The following RNF182 variants were observed in gnomAD, a reference collection of about 807,000 sequenced individuals.
RNF182 encodes ring finger protein 182, also known as E3 ubiquitin-protein ligase RNF182.
Under a neutral mutation model 14.4 loss-of-function variants are expected in RNF182, and 15 were observed. The ratio of observed to expected loss-of-function variants is 1.04; its 90% CI spans 0.70 to 1.60. RNF182 has a LOEUF of 1.60. Ranked by LOEUF, RNF182 falls within the 40% of genes most tolerant of loss-of-function variation. The probability of loss-of-function intolerance (pLI) is 0.00; values close to 1 mark genes in which losing one functional copy is unlikely to be tolerated. For missense variants in RNF182, 268 were observed against 294.8 expected, an observed-to-expected ratio of 0.91 and a Z score of 0.67; for synonymous variants, 128 against 122.9, an observed-to-expected ratio of 1.04 and a Z score of -0.27.
rs1421417828 is a variant in RNF182, at chr6:13,977,268, A to C, written c.149A>C (p.Lys50Thr). 6.2e-7 allele frequency: 1 copy of C among 1,614,204 alleles called. No homozygotes were observed. The highest frequency in any genetic ancestry group is 8.5e-7 in the Non-Finnish European group (1 of 1,180,028). Reference sequence around the variant, plus strand: ...AGGGTTTGTGCCAAATGCCTCTACAAGATCATAGACTTTGGGGACTCCCCA... The same window carrying C: ...AGGGTTTGTGCCAAATGCCTCTACACGATCATAGACTTTGGGGACTCCCCA... Reference protein sequence around the residue: ...CHRVCAKCLYKIIDFGDSPQG... With the variant: ...CHRVCAKCLYTIIDFGDSPQG... The change falls in exon 3 of 3, where the codon AAG becomes ACG. Residue 50 changes from lysine to threonine, a missense_variant. Coordinates refer to ENST00000488300, the MANE Select transcript of RNF182 (RefSeq NM_152737.4).
At chr6:13,971,197 C>T (rs1760170416) in intron 1 of RNF182, among the ~76,000 whole-genome samples, 1 of 152,084 alleles carries the variant, frequency 6.6e-6, no homozygotes, top group Non-Finnish European at 1.5e-5. Flanking sequence ...AAGGGTGGAG[C>T]CAGGTGGAGA....
At chr6:13,941,350 G>A (rs983721230) in intron 1 of RNF182, among the ~76,000 whole-genome samples, 5 of 152,052 alleles carry the variant, frequency 3.3e-5, no homozygotes, top group African/African-American at 1.2e-4. Context: ...AGGTCTTATA[G>A]TAGTATATAC....
chr6:13,935,143 A>G (rs1363314965), intron 1 of RNF182, among the ~76,000 whole-genome samples: 1 of 152,208 alleles, frequency 6.6e-6, no homozygotes, highest in African/African-American at 2.4e-5. Flanking sequence ...TGGAAGATGC[A>G]AGGGGGCAAG....
At position 13,960,546 on chromosome 6, in the gene RNF182, G is replaced by A. The variant is rs1759842534; in HGVS notation, c.-366-13664G>A. Reference sequence around the variant, plus strand: ...ACTCTTTTAAGTGAATTCTATAGCAGTTGAAGACGACTTTTCTGTCAATCA... The same window carrying A: ...ACTCTTTTAAGTGAATTCTATAGCAATTGAAGACGACTTTTCTGTCAATCA... On this transcript the variant is annotated intron_variant, in intron 1 of 2. Transcript: ENST00000488300. Among the ~76,000 whole-genome samples, 4 of 152,262 alleles carry A rather than the reference G, an allele frequency of 2.6e-5. No individual in the cohort carries two copies. In the South Asian group the frequency reaches 8.3e-4, roughly 32 times the overall value.
chr6:13,929,591 CCAGA>C (rs1335157180), intron 1 of RNF182, among the ~76,000 whole-genome samples: 1 of 152,162 alleles, frequency 6.6e-6, no homozygotes, highest in African/African-American at 2.4e-5. Context: ...TCCCTATGGG[CCAGA>C]CACTTTTCTA....
intron 1 of RNF182, among the ~76,000 whole-genome samples, chr6:13,968,582 C>G (rs1760095309): frequency 6.6e-6 from 1 of 152,102 alleles, no homozygotes; most frequent in Admixed American, 6.6e-5. Context: ...ATACCAAAAC[C>G]TAACAGCACA....
At chr6:13,944,034 A>T (rs1015290214) in intron 1 of RNF182, among the ~76,000 whole-genome samples, 18 of 152,178 alleles carry the variant, frequency 1.2e-4, no homozygotes, top group African/African-American at 4.1e-4. Context: ...TTGGGACAAG[A>T]TGCCCACCAG....
In RNF182 at chr6:13,976,907, A is replaced by G. The variant is rs1317442262; in HGVS notation, c.-211-2A>G. 4 of 574,110 alleles carry G rather than the reference A, an allele frequency of 7.0e-6. No homozygotes were observed. Among genetic ancestry groups the G allele is most frequent in the Non-Finnish European group, 1.2e-5 (4 of 325,060 alleles). The allele number at this position is 574,110 out of a possible 1,614,324, so 35.6% of individuals were successfully genotyped here. A position where few individuals can be genotyped will look rare whatever the true frequency, so the allele number is the denominator to read the frequency against. Reference sequence around the variant, plus strand: ...TATTAGAATCTCTTTTCTTCTTTACAGACCCTTCATGTGGCCTTTATAAAT... The same window carrying G: ...TATTAGAATCTCTTTTCTTCTTTACGGACCCTTCATGTGGCCTTTATAAAT... On this transcript the variant is annotated splice_acceptor_variant, in intron 2 of 2. Coordinates refer to ENST00000488300, the MANE Select transcript of RNF182 (RefSeq NM_152737.4). LOFTEE classifies it low-confidence loss of function (5UTR_SPLICE).
chr6:13,969,453 C>T (rs1428437598), intron 1 of RNF182, among the ~76,000 whole-genome samples: 2 of 152,042 alleles, frequency 1.3e-5, no homozygotes, highest in Admixed American at 1.3e-4. Flanking sequence ...TTAGCACAGC[C>T]CACCCACCAT....
Position 13,969,352 on chromosome 6 carries a change from CTAAT to C in RNF182, c.-366-4857_-366-4854del, listed in dbSNP as rs1760118287. On this transcript the variant is annotated intron_variant, in intron 1 of 2. Transcript: ENST00000488300. ...CGGTTTGGGTCACATGCCCATTAGA[CTAAT>C]CCTTGTGAGTAGGGGAGTAGTGGAG... Among the ~76,000 whole-genome samples, 3 of 152,094 alleles carry C rather than the reference CTAAT, an allele frequency of 2.0e-5. No individual in the cohort carries two copies. The South Asian group carries it at 6.2e-4, about 32-fold the overall frequency.
chr6:13,977,789 GTTATTC>G lies in RNF182; in HGVS notation c.675_680del (p.Ile225_Leu226del). On this transcript the variant is annotated inframe_deletion, in exon 3 of 3. Coordinates refer to ENST00000488300, the MANE Select transcript of RNF182 (RefSeq NM_152737.4). The stretch of plus-strand genomic sequence containing the variant: ...TGTCAGCCTGGTCCCTTCGAGCCTC[GTTATTC>G]TTATGGTGTATGGTTTTTGCCAGTG... The G allele has an allele frequency of 6.2e-7, 1 of 1,614,084 alleles. No individual in the cohort carries two copies. Among genetic ancestry groups the G allele is most frequent in the Non-Finnish European group, 8.5e-7 (1 of 1,180,004 alleles).
At chr6:13,932,434 A>G (rs984898956) in intron 1 of RNF182, among the ~76,000 whole-genome samples, 5 of 152,168 alleles carry the variant, frequency 3.3e-5, no homozygotes, top group Admixed American at 2.6e-4. Context: ...TGGATTTCTT[A>G]AATTATCAGT....
At chr6:13,965,257 T>C (rs1196828329) in intron 1 of RNF182, among the ~76,000 whole-genome samples, 1 of 152,152 alleles carries the variant, frequency 6.6e-6, no homozygotes, top group Non-Finnish European at 1.5e-5. Context: ...TTTGGTAGCC[T>C]AGTTGGTCAG....
At chr6:13,924,497 C>CT (rs1479756893), upstream of RNF182, 1 of 152,282 alleles carries the variant, frequency 6.6e-6, no homozygotes. Flanking sequence ...TTGCTCAACA[C>CT]TTTATCACTT....
At chr6:13,929,332 C>CTA (rs1758909971) in intron 1 of RNF182, among the ~76,000 whole-genome samples, 1 of 152,172 alleles carries the variant, frequency 6.6e-6, no homozygotes, top group South Asian at 2.1e-4. Flanking sequence ...TCTTCTATAG[C>CTA]TATAGTCATT....
chr6:13,977,220 C>T lies in RNF182; in HGVS notation c.101C>T (p.Pro34Leu), dbSNP rs769528690. 6.2e-7 allele frequency: 1 copy of T among 1,614,142 alleles called. No homozygotes were observed. Among genetic ancestry groups the T allele is most frequent in the Non-Finnish European group, 8.5e-7 (1 of 1,180,022 alleles). ...YNRYNLKQRK[P>L]KVLECCHRVC... ...CGATACAATCTGAAACAGAGGAAAC[C>T]CAAAGTGCTGGAGTGTTGTCATAGG... The change falls in exon 3 of 3, where the codon CCC becomes CTC. Residue 34 changes from proline to leucine, a missense_variant. Transcript: ENST00000488300.
Position 13,977,041 on chromosome 6 carries a change from T to C in RNF182, c.-79T>C, listed in dbSNP as rs998914349. 2.1e-6 allele frequency: 3 copies of C among 1,420,534 alleles called. No individual in the cohort carries two copies. The highest frequency in any genetic ancestry group is 2.3e-5 in the East Asian group (1 of 43,664). The allele number at this position is 1,420,534 out of a possible 1,614,324, so 88.0% of individuals were successfully genotyped here. The stretch of plus-strand genomic sequence containing the variant: ...GCATCGCTGCCAGATTTGGATGATA[T>C]GATATTCAGAGGGGCACCTTAATCA... On this transcript the variant is annotated 5_prime_UTR_variant, in exon 3 of 3. An upstream start codon of the reference 5' UTR is lost. Transcript: ENST00000488300.
intron 1 of RNF182, among the ~76,000 whole-genome samples, chr6:13,927,450 AC>A (rs1449923352): frequency 1.3e-5 from 2 of 152,180 alleles, no homozygotes; most frequent in Non-Finnish European, 2.9e-5. Flanking sequence ...ATTTTAGCTT[AC>A]GGGTTTTAAT....
Position 13,977,376 on chromosome 6 carries a change from A to G in RNF182, c.257A>G (p.Asn86Ser), listed in dbSNP as rs1760358663. ...GTTAGTAGCCTGCCCGATGACAACAACATCCTTGTAAACTTGACTTGTGGA... is the reference window on the plus strand; with the variant it reads ...GTTAGTAGCCTGCCCGATGACAACAGCATCCTTGTAAACTTGACTTGTGGA... ...DEVSSLPDDN[N>S]ILVNLTCGGK... The change falls in exon 3 of 3, where the codon AAC becomes AGC. Residue 86 changes from asparagine to serine, a missense_variant. Physicochemically the swap from Asn to Ser is conservative, Grantham distance 46. Coordinates refer to ENST00000488300, the MANE Select transcript of RNF182 (RefSeq NM_152737.4). 1 of 1,614,022 alleles carries G rather than the reference A, an allele frequency of 6.2e-7. No individual in the cohort carries two copies. The highest frequency in any genetic ancestry group is 8.5e-7 in the Non-Finnish European group (1 of 1,180,016).
Sources: gnomAD v4.1 joint callset for allele counts (sites outside exome capture counted in the v4.1 genomes callset) on GRCh38, gnomAD v4.1.1 for gene constraint, MANE v1.5 for transcripts, NCBI Gene and HGNC (gene_info 2026-07-23, HGNC 2026-07-21) for gene names.